Variants in SHROOM3 observed in about 807,000 individuals in gnomAD.
The protein encoded by SHROOM3 is shroom family member 3.
In SHROOM3, 47 loss-of-function variants were observed where a neutral mutation model predicts 138.6. The observed-to-expected ratio is 0.34, with a 90% CI of 0.27 to 0.43. The LOEUF (loss-of-function observed/expected upper bound fraction) is 0.43, where lower values mean the gene tolerates loss of function less well. Among genes scored for constraint, SHROOM3 ranks in the 20% least tolerant of loss-of-function variants. The probability of loss-of-function intolerance (pLI) is 1.00; values close to 1 mark genes in which losing one functional copy is unlikely to be tolerated. For synonymous variants in SHROOM3, 1,062 were observed against 1,063.3 expected (o/e 1.00, Z 0.02); for missense variants, 2,491 against 2,596.5 (o/e 0.96, Z 0.88).
intron 4 of SHROOM3, among the ~76,000 whole-genome samples, chr4:76,735,857 AAAAAAAAAAAAATATATATAT>A (rs1416936710): frequency 0.057 from 2,460 of 43,426 alleles, 44 homozygotes; most frequent in East Asian, 0.081. Context: ...AAAAAAAAAA[AAAAAAAAAAAAATATATATAT>A]ATATATATAT....
At chr4:76,661,338 TCCTG>T (rs1736180795) in intron 2 of SHROOM3, among the ~76,000 whole-genome samples, 2 of 152,056 alleles carry the variant, frequency 1.3e-5, no homozygotes, top group Non-Finnish European at 2.9e-5. Context: ...CACGCCATTC[TCCTG>T]CCTCAGCCTA....
At chr4:76,666,605 A>T (rs970101551) in intron 2 of SHROOM3, among the ~76,000 whole-genome samples, 11 of 152,122 alleles carry the variant, frequency 7.2e-5, no homozygotes, top group Non-Finnish European at 1.3e-4. Context: ...ACATTTTTTT[A>T]AAAAGAGGAA....
intron 2 of SHROOM3, among the ~76,000 whole-genome samples, chr4:76,679,767 C>T (rs1719138275): frequency 1.3e-5 from 2 of 152,174 alleles, no homozygotes; most frequent in South Asian, 4.1e-4. Flanking sequence ...TAACCACCTC[C>T]CCACACTCCC....
intron 3 of SHROOM3, among the ~76,000 whole-genome samples, chr4:76,724,218 CACACA>C (rs980467013): frequency 6.6e-6 from 1 of 152,324 alleles, no homozygotes; most frequent in African/African-American, 2.4e-5. Flanking sequence ...ATTACACCCA[CACACA>C]AAACTTAGTT....
At chr4:76,592,000 A>G (rs1734282909) in intron 2 of SHROOM3, among the ~76,000 whole-genome samples, 1 of 152,252 alleles carries the variant, frequency 6.6e-6, no homozygotes, top group African/African-American at 2.4e-5. Flanking sequence ...GATAACTGCT[A>G]TGGAAAATAC....
chr4:76,711,663 A>T (rs1223753353), intron 3 of SHROOM3, among the ~76,000 whole-genome samples: 2 of 152,202 alleles, frequency 1.3e-5, no homozygotes, highest in African/African-American at 4.8e-5. Context: ...ACTGCGCTCT[A>T]GCCTGGGAGA....
In SHROOM3 at chr4:76,717,130, T is replaced by C. The variant is rs2110121053; in HGVS notation, c.455+6843T>C. Among the ~76,000 whole-genome samples, 3 of 152,306 alleles carry C rather than the reference T, an allele frequency of 2.0e-5. No individual in the cohort carries two copies. The South Asian group carries it at 6.2e-4, about 32-fold the overall frequency. ...TATGTTGGTGTTTTTTGTTTGTTTGTTTTTCCTTTCAACACTTTCAATCTT... is the reference window on the plus strand; with the variant it reads ...TATGTTGGTGTTTTTTGTTTGTTTGCTTTTCCTTTCAACACTTTCAATCTT... On this transcript the variant is annotated intron_variant, in intron 3 of 10. Transcript: ENST00000296043.
chr4:76,580,785 T>C (rs1734036302), intron 2 of SHROOM3, among the ~76,000 whole-genome samples: 1 of 152,208 alleles, frequency 6.6e-6, no homozygotes, highest in Middle Eastern at 3.2e-3. Context: ...GAAATGGTGA[T>C]AATAACAGTA....
intron 1 of SHROOM3, among the ~76,000 whole-genome samples, chr4:76,476,879 G>A (rs1731494685): frequency 6.6e-6 from 1 of 152,158 alleles, no homozygotes; most frequent in Non-Finnish European, 1.5e-5. Flanking sequence ...CTCTAAGGCT[G>A]GAGTTCCTAC....
intron 1 of SHROOM3, among the ~76,000 whole-genome samples, chr4:76,525,839 C>T (rs746998120): frequency 7.9e-5 from 12 of 152,156 alleles, no homozygotes; most frequent in South Asian, 2.1e-4. Context: ...TTATTCAGCA[C>T]GGGCATTTTC....
At chr4:76,448,019 C>G (rs1173409907) in intron 1 of SHROOM3, among the ~76,000 whole-genome samples, 2 of 151,322 alleles carry the variant, frequency 1.3e-5, no homozygotes, top group Non-Finnish European at 2.9e-5. Context: ...GAGGAGGATT[C>G]CATGGTATAA....
chr4:76,442,813 C>G (rs1436824982), intron 1 of SHROOM3, among the ~76,000 whole-genome samples: 3 of 152,158 alleles, frequency 2.0e-5, no homozygotes, highest in African/African-American at 7.2e-5. Context: ...CTCTCCCCTT[C>G]CCTTCTTTCC....
At chr4:76,599,329 T>C (rs1197675406) in intron 2 of SHROOM3, among the ~76,000 whole-genome samples, 2 of 152,094 alleles carry the variant, frequency 1.3e-5, no homozygotes, top group African/African-American at 2.4e-5. Context: ...GAATGAGCAA[T>C]TGATATGAAA....
intron 2 of SHROOM3, among the ~76,000 whole-genome samples, chr4:76,603,736 C>A (rs1048185925): frequency 1.3e-5 from 2 of 152,016 alleles, no homozygotes; most frequent in Non-Finnish European, 2.9e-5. Context: ...TCCCTCAGCC[C>A]CCAACCCTGC....
At chr4:76,600,842 T>A (rs1734490854) in intron 2 of SHROOM3, among the ~76,000 whole-genome samples, 1 of 152,196 alleles carries the variant, frequency 6.6e-6, no homozygotes, top group East Asian at 1.9e-4. Context: ...ATTCAGGAGT[T>A]AATATTGTAA....
intron 2 of SHROOM3, among the ~76,000 whole-genome samples, chr4:76,560,682 T>C (rs1366712428): frequency 6.6e-6 from 1 of 152,244 alleles, no homozygotes. Flanking sequence ...TTTTTACTTG[T>C]AGTTGGCAAA....
chr4:76,759,437 A>G (rs1439789228), intron 8 of SHROOM3, 108 bp from the exon 9 acceptor site: 4 of 1,435,960 alleles, frequency 2.8e-6, no homozygotes, highest in Non-Finnish European at 2.9e-6. Context: ...TTTCTGGGAA[A>G]GAAATTAAAT....
chr4:76,712,796 G>A (rs1720269734), intron 3 of SHROOM3, among the ~76,000 whole-genome samples: 1 of 152,156 alleles, frequency 6.6e-6, no homozygotes, highest in South Asian at 2.1e-4. Flanking sequence ...GTCATTAAGC[G>A]ATTTTATTGT....
At chr4:76,591,549 G>C (rs911144169) in intron 2 of SHROOM3, among the ~76,000 whole-genome samples, 2 of 150,454 alleles carry the variant, frequency 1.3e-5, no homozygotes, top group Non-Finnish European at 3.0e-5. Context: ...CAACACACTT[G>C]GAATACTTCT....
Sources: allele counts gnomAD v4.1 joint callset (sites outside exome capture counted in the v4.1 genomes callset), GRCh38; gene constraint gnomAD v4.1.1; transcripts MANE v1.5; gene names NCBI Gene and HGNC (gene_info 2026-07-23, HGNC 2026-07-21).